Variants in RIMS1 observed in about 807,000 individuals in gnomAD.
The protein encoded by RIMS1 is regulating synaptic membrane exocytosis 1.
A neutral mutation model predicts 214.1 loss-of-function variants in RIMS1; 83 were observed. The ratio of observed to expected loss-of-function variants is 0.39; its 90% confidence interval spans 0.32 to 0.47. RIMS1 has a LOEUF of 0.47. Among genes scored for constraint, RIMS1 ranks in the 20% least tolerant of loss-of-function variants. The pLI is 0.99. For synonymous variants in RIMS1, 793 were observed against 786.8 expected (o/e 1.01, Z -0.13); for missense variants, 2,050 against 2,161.8 (o/e 0.95, Z 1.03).
chr6:72,052,109 A>G (rs1483845212), intron 2 of RIMS1, among the ~76,000 whole-genome samples: 4 of 152,200 alleles, frequency 2.6e-5, no homozygotes. Flanking sequence ...AAGTGGTTAA[A>G]ACTGTATTGA....
At chr6:71,917,556 A>G (rs1044389521) in intron 1 of RIMS1, among the ~76,000 whole-genome samples, 2 of 152,152 alleles carry the variant, frequency 1.3e-5, no homozygotes, top group South Asian at 2.1e-4. Flanking sequence ...AGAAGAGGGA[A>G]GAAGGTCACC....
At chr6:72,280,017 G>T (rs1405241647) in intron 23 of RIMS1, among the ~76,000 whole-genome samples, 1 of 151,690 alleles carries the variant, frequency 6.6e-6, no homozygotes, top group African/African-American at 2.4e-5. Context: ...TTTATATTTT[G>T]CTGAAGGCCA....
At chr6:71,945,437 C>G (rs1247927655) in intron 1 of RIMS1, among the ~76,000 whole-genome samples, 1 of 152,042 alleles carries the variant, frequency 6.6e-6, no homozygotes, top group Non-Finnish European at 1.5e-5. Context: ...ATTGGCAAGA[C>G]CAATCCAGAG....
chr6:72,228,278 A>G (rs1042749135), intron 6 of RIMS1, among the ~76,000 whole-genome samples: 4 of 151,862 alleles, frequency 2.6e-5, no homozygotes, highest in African/African-American at 9.7e-5. Context: ...TATTACTGAA[A>G]CTTTGTACCT....
intron 4 of RIMS1, among the ~76,000 whole-genome samples, chr6:72,164,718 T>C (rs1240238820): frequency 1.3e-5 from 2 of 152,214 alleles, no homozygotes; most frequent in Non-Finnish European, 2.9e-5. Context: ...AAAACAAACA[T>C]GTCTCTCTCA....
chr6:71,902,906 C>G (rs1230178151), intron 1 of RIMS1, among the ~76,000 whole-genome samples: 3 of 152,106 alleles, frequency 2.0e-5, no homozygotes, highest in Non-Finnish European at 2.9e-5. Context: ...ATGTTTCACA[C>G]TTTCTTTATC....
intron 2 of RIMS1, among the ~76,000 whole-genome samples, chr6:72,014,496 T>G (rs925392150): frequency 7.9e-5 from 12 of 152,260 alleles, no homozygotes; most frequent in African/African-American, 2.7e-4. Flanking sequence ...CCACTTTTAT[T>G]TATCCGGACA....
intron 23 of RIMS1, among the ~76,000 whole-genome samples, chr6:72,277,077 G>A (rs2086835019): frequency 1.3e-5 from 2 of 152,168 alleles, no homozygotes; most frequent in Admixed American, 6.5e-5. Flanking sequence ...AATGCAGAAC[G>A]TAAATTATTC....
At chr6:72,114,540 A>AT (rs956268837) in intron 4 of RIMS1, among the ~76,000 whole-genome samples, 5 of 151,792 alleles carry the variant, frequency 3.3e-5, no homozygotes, top group Admixed American at 2.6e-4. Flanking sequence ...GAAATATCAA[A>AT]TTTTTTTTGT....
chr6:72,284,493 T>C (rs2091589177), intron 24 of RIMS1, among the ~76,000 whole-genome samples: 1 of 152,168 alleles, frequency 6.6e-6, no homozygotes, highest in Admixed American at 6.6e-5. Context: ...TTGACTGTCT[T>C]ATTTATCTAA....
rs528831219 is a variant in RIMS1 at position 72,037,074 on chromosome 6, A to G, written c.246-59875A>G. Among the ~76,000 whole-genome samples, 16 of 152,078 alleles carry G rather than the reference A, an allele frequency of 1.1e-4. No homozygotes were observed. The East Asian group carries it at 3.1e-3, about 30-fold the overall frequency. On this transcript the variant is annotated intron_variant, in intron 2 of 33. Coordinates refer to ENST00000521978, the MANE Select transcript of RIMS1 (RefSeq NM_014989.7). ...GAACCCTTTGCCATCACCCTTTGCC[A>G]TTATAAAATCCTTAGTGAACTGAGT...
At chr6:72,310,859 TATC>T (rs1270575025) in intron 27 of RIMS1, among the ~76,000 whole-genome samples, 8 of 152,126 alleles carry the variant, frequency 5.3e-5, no homozygotes, top group Non-Finnish European at 1.2e-4. Flanking sequence ...AAAACTGTGA[TATC>T]ATATCAGAAT....
intron 29 of RIMS1, among the ~76,000 whole-genome samples, chr6:72,353,904 G>A (rs867393312): frequency 1.3e-5 from 2 of 152,088 alleles, no homozygotes; most frequent in South Asian, 4.1e-4. Flanking sequence ...AAGTAACTGG[G>A]GGTTGGCAGA....
chr6:72,048,682 T>G (rs921578776), intron 2 of RIMS1, among the ~76,000 whole-genome samples: 1 of 152,208 alleles, frequency 6.6e-6, no homozygotes, highest in Non-Finnish European at 1.5e-5. Flanking sequence ...AAAATGTTAA[T>G]GAAAAACGGT....
At position 72,369,457 on chromosome 6, in the gene RIMS1, C is replaced by T. The variant is rs185367728; in HGVS notation, c.4367-21141C>T. The stretch of plus-strand genomic sequence containing the variant: ...TGTTACAAGAAACTGCCTTATATGA[C>T]TGTGAGAAGTGGCTAGGCAAGTCTC... On this transcript the variant is annotated intron_variant, in intron 29 of 33. Transcript: ENST00000521978. Among the ~76,000 whole-genome samples the T allele has an allele frequency of 4.0e-4, 61 of 152,136 alleles. 1 individual carries two copies. The highest frequency in any genetic ancestry group is 1.4e-3 in the African/African-American group (59 of 41,498).
chr6:72,396,709 A>G (rs1279460299), intron 31 of RIMS1, among the ~76,000 whole-genome samples: 2 of 152,214 alleles, frequency 1.3e-5, no homozygotes, highest in Admixed American at 6.5e-5. Context: ...TTGCTGAATG[A>G]TACCACTTAT....
chr6:72,393,065 G>A (rs772746853), intron 31 of RIMS1, among the ~76,000 whole-genome samples: 4 of 149,032 alleles, frequency 2.7e-5, no homozygotes, highest in Admixed American at 6.7e-5. Flanking sequence ...TGTAGGACAT[G>A]GGTGGCATTT....
At chr6:72,371,920 T>C (rs1467946260) in intron 29 of RIMS1, among the ~76,000 whole-genome samples, 1 of 152,180 alleles carries the variant, frequency 6.6e-6, no homozygotes, top group East Asian at 1.9e-4. Context: ...AAAATATTTA[T>C]CAAATAGTGG....
intron 2 of RIMS1, among the ~76,000 whole-genome samples, chr6:72,009,157 A>G (rs1809187853): frequency 1.3e-5 from 2 of 152,246 alleles, no homozygotes; most frequent in Non-Finnish European, 2.9e-5. Context: ...ACTAGAACTC[A>G]GGATTAAGAA....
Sources: gnomAD v4.1 joint callset for allele counts (sites outside exome capture counted in the v4.1 genomes callset) on GRCh38, gnomAD v4.1.1 for gene constraint, MANE v1.5 for transcripts, NCBI Gene and HGNC (gene_info 2026-07-23, HGNC 2026-07-21) for gene names.